The following PKHD1 variants were observed in gnomAD, a reference collection of about 807,000 sequenced individuals.
PKHD1 encodes the protein PKHD1 ciliary IPT domain containing fibrocystin/polyductin.
PKHD1 carries 291 observed loss-of-function variants against 412.0 expected under a neutral mutation model. That is an observed-to-expected ratio of 0.71 (90% CI 0.64 to 0.78). The LOEUF is 0.78. PKHD1 is among the 30% of genes least tolerant of loss of function. The probability of loss-of-function intolerance (pLI) is 0.00; values close to 1 mark genes in which losing one functional copy is unlikely to be tolerated. For synonymous variants in PKHD1, 1,777 were observed against 1,821.5 expected, an observed-to-expected ratio of 0.98 and a Z score of 0.62; for missense variants, 4,825 against 4,950.7, an observed-to-expected ratio of 0.97 and a Z score of 0.76.
intron 60 of PKHD1, among the ~76,000 whole-genome samples, chr6:51,700,067 G>A (rs1427614645): frequency 6.6e-6 from 1 of 151,696 alleles, no homozygotes; most frequent in South Asian, 2.1e-4. Flanking sequence ...ATCAATTCTA[G>A]GTACATCTCA....
intron 60 of PKHD1, among the ~76,000 whole-genome samples, chr6:51,743,602 T>C (rs1224746385): frequency 6.6e-6 from 1 of 151,866 alleles, no homozygotes. Flanking sequence ...GGGAGCAAAA[T>C]TAGAGAAAGA....
In PKHD1 at chr6:52,064,995, C is replaced by T. The variant is rs755140707; in HGVS notation, c.936G>A (p.Arg312=). The change falls in exon 13 of 67, where the codon CGG becomes CGA. Residue 312 remains arginine, a synonymous_variant. Coordinates refer to ENST00000371117, the MANE Select transcript of PKHD1 (RefSeq NM_138694.4). ...TGAGCCTCACATCTTTTCCTGGAGC[C>T]CGAGTGGTGCACTCAATCTTCCTGG... The part of the protein sequence containing the change: ...VSPRKIECTT[R]APGKDVRLTT... 3.1e-6 allele frequency: 5 copies of T among 1,604,508 alleles called. No homozygotes were observed. Among genetic ancestry groups the T allele is most frequent in the Non-Finnish European group, 4.3e-6 (5 of 1,176,414 alleles).
chr6:51,750,800 G>A (rs1785991346), intron 57 of PKHD1, among the ~76,000 whole-genome samples: 1 of 151,860 alleles, frequency 6.6e-6, no homozygotes, highest in Admixed American at 6.6e-5. Flanking sequence ...TTTTTGAGAT[G>A]GAGTTTCACT....
At chr6:51,797,882 G>A (rs1308363509) in intron 52 of PKHD1, among the ~76,000 whole-genome samples, 3 of 152,136 alleles carry the variant, frequency 2.0e-5, no homozygotes, top group Admixed American at 2.0e-4. Flanking sequence ...ACTTGTTTAT[G>A]TGGTTGCTCC....
intron 60 of PKHD1, among the ~76,000 whole-genome samples, chr6:51,739,220 A>C (rs1413561885): frequency 6.7e-6 from 1 of 150,328 alleles, no homozygotes; most frequent in African/African-American, 2.4e-5. Flanking sequence ...ATGTACATGT[A>C]TTATATATAT....
chr6:51,773,846 T>A (rs1287797800), intron 54 of PKHD1, among the ~76,000 whole-genome samples: 4 of 150,966 alleles, frequency 2.6e-5, no homozygotes, highest in South Asian at 2.1e-4. Flanking sequence ...TATATCAACA[T>A]CCACATTTTT....
chr6:52,052,799 G>A (rs1281567332), intron 21 of PKHD1, among the ~76,000 whole-genome samples: 1 of 152,100 alleles, frequency 6.6e-6, no homozygotes, highest in Non-Finnish European at 1.5e-5. Flanking sequence ...TACAGATGAA[G>A]AAACCAAGAC....
At chr6:51,809,069 G>T (rs1764283404) in intron 52 of PKHD1, among the ~76,000 whole-genome samples, 1 of 151,986 alleles carries the variant, frequency 6.6e-6, no homozygotes, top group South Asian at 2.1e-4. Flanking sequence ...AATATCCCAA[G>T]AACTAATACT....
At chr6:52,019,915 C>CAT (rs1801156829) in intron 33 of PKHD1, among the ~76,000 whole-genome samples, 1 of 152,158 alleles carries the variant, frequency 6.6e-6, no homozygotes, top group Non-Finnish European at 1.5e-5. Context: ...AGCAAAAGCA[C>CAT]ATTTGTAGAG....
rs535204134 is a variant in PKHD1, at chr6:51,895,581, G to T, written c.6996+8016C>A. Among the ~76,000 whole-genome samples, 53 of 150,826 alleles carry T rather than the reference G, an allele frequency of 3.5e-4. 2 individuals are homozygous for T. The South Asian group carries it at 6.5e-3, about 18-fold the overall frequency. On this transcript the variant is annotated intron_variant, in intron 43 of 66. Coordinates refer to ENST00000371117, the MANE Select transcript of PKHD1 (RefSeq NM_138694.4). ...CGTTATATTAAATACATTTTTTTTT[G>T]AGCAACTACCATGTTTTAGAAATTG...
chr6:51,642,201 C>T (rs1396169203), intron 63 of PKHD1, among the ~76,000 whole-genome samples: 1 of 151,808 alleles, frequency 6.6e-6, no homozygotes, highest in Non-Finnish European at 1.5e-5. Context: ...AGTGTCAGGA[C>T]AAAGTAAAAT....
At chr6:52,065,193 A>AGAGAGAGACAGAGAGAGG (rs1257590254) in intron 12 of PKHD1, 143 bp from the exon 13 acceptor site, 3 of 181,116 alleles carry the variant, frequency 1.7e-5, no homozygotes, top group African/African-American at 7.6e-5. Flanking sequence ...AGAGAGAGAG[A>AGAGAGAGACAGAGAGAGG]GAGACAGAGA....
chr6:51,896,764 G>GA (rs1780115658), intron 43 of PKHD1, among the ~76,000 whole-genome samples: 1 of 151,414 alleles, frequency 6.6e-6, no homozygotes, highest in South Asian at 2.1e-4. Flanking sequence ...TGAAAACTTT[G>GA]AAAAAAATTT....
intron 52 of PKHD1, among the ~76,000 whole-genome samples, chr6:51,823,893 C>T (rs1393523613): frequency 6.6e-6 from 1 of 152,150 alleles, no homozygotes; most frequent in Non-Finnish European, 1.5e-5. Context: ...CTAGAAGGAA[C>T]TCCCTAGCCT....
intron 55 of PKHD1, among the ~76,000 whole-genome samples, chr6:51,768,293 T>C (rs79931068): frequency 0.12 from 18,111 of 152,072 alleles, 1,124 homozygotes; most frequent in East Asian, 0.14. Flanking sequence ...CAGATTCTGA[T>C]GCATACATTA....
At chr6:51,989,875 GGGAGA>G in intron 35 of PKHD1, among the ~76,000 whole-genome samples, 1 of 27,740 alleles carries the variant, frequency 3.6e-5, no homozygotes, top group Admixed American at 2.9e-4. Context: ...GAGGAAACAA[GGGAGA>G]AAAGGAAGGA....
At chr6:52,031,508 A>G (rs1803024289) in intron 29 of PKHD1, among the ~76,000 whole-genome samples, 1 of 152,234 alleles carries the variant, frequency 6.6e-6, no homozygotes, top group Admixed American at 6.5e-5. Flanking sequence ...TCTTTGTTCA[A>G]ACAAACTCTG....
intron 61 of PKHD1, among the ~76,000 whole-genome samples, chr6:51,652,180 T>C (rs548292275): frequency 6.6e-6 from 1 of 152,144 alleles, no homozygotes; most frequent in South Asian, 2.1e-4. Flanking sequence ...CAGTTAGGTA[T>C]GTGAGAGATT....
At chr6:51,800,014 A>G (rs1762661215) in intron 52 of PKHD1, among the ~76,000 whole-genome samples, 1 of 152,142 alleles carries the variant, frequency 6.6e-6, no homozygotes, top group Non-Finnish European at 1.5e-5. Context: ...TATGGAGGGA[A>G]CCATCTGGAA....
Sources: gnomAD v4.1 joint callset for allele counts (sites outside exome capture counted in the v4.1 genomes callset) on GRCh38, gnomAD v4.1.1 for gene constraint, MANE v1.5 for transcripts, NCBI Gene and HGNC (gene_info 2026-07-23, HGNC 2026-07-21) for gene names.